LRCH1: variants seen among roughly 807,000 people sequenced by gnomAD.
LRCH1 encodes leucine rich repeats and calponin homology domain containing 1.
Under a neutral mutation model 94.9 loss-of-function variants are expected in LRCH1, and 23 were observed. The ratio of observed to expected loss-of-function variants is 0.24; its 90% confidence interval spans 0.17 to 0.34. The LOEUF is 0.34. Ranked by LOEUF, LRCH1 falls within the 10% of genes least tolerant of loss-of-function variation. The pLI is 1.00. For missense variants in LRCH1, 790 were observed against 945.9 expected, an observed-to-expected ratio of 0.84 and a Z score of 2.16; for synonymous variants, 364 against 354.9, an observed-to-expected ratio of 1.03 and a Z score of -0.29.
chr13:46,623,523 G>C (rs1396254656), intron 1 of LRCH1, among the ~76,000 whole-genome samples: 1 of 151,826 alleles, frequency 6.6e-6, no homozygotes, highest in Non-Finnish European at 1.5e-5. Flanking sequence ...ATCCTTGGAG[G>C]GTCGCTTTTT....
rs116666547 is a variant in LRCH1, at chr13:46,620,300, G to A, written c.308-29901G>A. ...GGATCACTCGAGCCGAGGAGCTGGA[G>A]GTAGCAGTCAGCTGAGATTGTGCCA... is the stretch of plus-strand genomic sequence containing the variant. On this transcript the variant is annotated intron_variant, in intron 1 of 19. Transcript: ENST00000389797. Among the ~76,000 whole-genome samples the A allele has an allele frequency of 5.9e-3, 894 of 152,082 alleles. 8 individuals carry two copies. Among genetic ancestry groups the A allele is most frequent in the African/African-American group, 0.021 (856 of 41,478 alleles).
rs10686269 is a variant in LRCH1, at chr13:46,582,370, C to CTTTTTTT, written c.307+28683_307+28689dup. On this transcript the variant is annotated intron_variant, in intron 1 of 19. Transcript: ENST00000389797. ...ATGGAAGAACAACCGTTGCTCTCAT[C>CTTTTTTT]TTTTTTTTTTTTTTTTTTTTTTGGT... is the stretch of plus-strand genomic sequence containing the variant. Among the ~76,000 whole-genome samples the CTTTTTTT allele has an allele frequency of 3.1e-4, 25 of 79,556 alleles. 1 individual carries two copies. The highest frequency in any genetic ancestry group is 7.1e-4 in the Admixed American group (4 of 5,654). 52.2% of individuals were successfully genotyped at this position (79,556 alleles called of 152,430 possible).
rs900675186 is a variant in LRCH1, at chr13:46,742,157, G to A, written c.*309G>A. On this transcript the variant is annotated 3_prime_UTR_variant, in exon 20 of 20. Coordinates refer to ENST00000389797, the MANE Select transcript of LRCH1 (RefSeq NM_001164211.2). Reference sequence around the variant, plus strand: ...CGCAGTTCCTCCTCTCCCTCCCGGTGAGCTGCTGCCCTGGGCAGAGGGGAG... The same window carrying A: ...CGCAGTTCCTCCTCTCCCTCCCGGTAAGCTGCTGCCCTGGGCAGAGGGGAG... The A allele has an allele frequency of 1.2e-4, 141 of 1,209,036 alleles. No homozygotes were observed. Among genetic ancestry groups the A allele is most frequent in the Non-Finnish European group, 1.4e-4 (134 of 965,002 alleles). The allele number at this position is 1,209,036 out of a possible 1,614,324, so 74.9% of individuals were successfully genotyped here.
rs1405152756 is a variant in LRCH1, at chr13:46,705,290, T to C, written c.1513T>C (p.Ser505Pro). The change falls in exon 13 of 20, where the codon TCT becomes CCT. Residue 505 changes from serine (S) to proline (P), a missense_variant. Ser to Pro is a moderately conservative substitution (Grantham distance 74). Transcript: ENST00000389797. ...ALNGQIQLET[S>P]PVCEVQSDLT... ...CAGTGGTCAAATACAGCTGGAGACA[T>C]CTCCGGTGTGTGAGGTAAGGCTGCT... 6.2e-7 allele frequency: 1 copy of C among 1,613,750 alleles called. No homozygotes were observed. The highest frequency in any genetic ancestry group is 1.1e-5 in the South Asian group (1 of 91,060).
At chr13:46,570,688 C>T (rs2050231858) in intron 1 of LRCH1, among the ~76,000 whole-genome samples, 1 of 152,224 alleles carries the variant, frequency 6.6e-6, no homozygotes, top group Non-Finnish European at 1.5e-5. Flanking sequence ...GCATATCACA[C>T]ATATTCCGGT....
intron 1 of LRCH1, among the ~76,000 whole-genome samples, chr13:46,568,855 A>G (rs1047300120): frequency 6.6e-6 from 1 of 152,204 alleles, no homozygotes; most frequent in African/African-American, 2.4e-5. Context: ...TATGTAAATC[A>G]TACCTTGATA....
chr13:46,723,183 G>T (rs779471907), intron 16 of LRCH1, 38 bp from the exon 17 acceptor site: 7 of 1,149,298 alleles, frequency 6.1e-6, no homozygotes, highest in Non-Finnish European at 9.1e-6. Flanking sequence ...ATGTGACAAG[G>T]CACTATATAA....
chr13:46,595,073 AT>A (rs2050544621), intron 1 of LRCH1, among the ~76,000 whole-genome samples: 1 of 152,134 alleles, frequency 6.6e-6, no homozygotes, highest in Admixed American at 6.5e-5. Context: ...CATGATGATC[AT>A]TCTGGGGTTT....
chr13:46,744,585 A>G lies in LRCH1; in HGVS notation c.*2737A>G, dbSNP rs1471130417. On this transcript the variant is annotated 3_prime_UTR_variant, in exon 20 of 20. Coordinates refer to ENST00000389797, the MANE Select transcript of LRCH1 (RefSeq NM_001164211.2). ...TAATCGAGTATAAATTTCATCAATG[A>G]GAGTAGATAAATAAAGGCACTTGAT... 1.0e-6 allele frequency: 1 copy of G among 985,326 alleles called. No homozygotes were observed. The highest frequency in any genetic ancestry group is 1.2e-6 in the Non-Finnish European group (1 of 829,940). 61.0% of individuals were successfully genotyped at this position (985,326 alleles called of 1,614,324 possible). A position where few individuals can be genotyped will look rare whatever the true frequency, so the allele number is the denominator to read the frequency against.
intron 15 of LRCH1, among the ~76,000 whole-genome samples, chr13:46,714,060 A>G (rs1872201153): frequency 6.6e-6 from 1 of 152,234 alleles, no homozygotes; most frequent in Admixed American, 6.5e-5. Context: ...TCAACTTATT[A>G]CAGTTAGGGT....
Position 46,744,317 on chromosome 13 carries a change from A to G in LRCH1, c.*2469A>G, listed in dbSNP as rs1477223877. 25 of 985,298 alleles carry G rather than the reference A, an allele frequency of 2.5e-5. No individual in the cohort carries two copies. The highest frequency in any genetic ancestry group is 2.9e-5 in the Non-Finnish European group (24 of 829,918). The allele number at this position is 985,298 out of a possible 1,614,324, so 61.0% of individuals were successfully genotyped here. A position where few individuals can be genotyped will look rare whatever the true frequency, so the allele number is the denominator to read the frequency against. On this transcript the variant is annotated 3_prime_UTR_variant, in exon 20 of 20. Transcript: ENST00000389797. ...ACCGTTTTTTCAGTACTCCCTTCCA[A>G]TGTTAGATAAAAGGAGCCAAGTATC... is the stretch of plus-strand genomic sequence containing the variant.
intron 1 of LRCH1, among the ~76,000 whole-genome samples, chr13:46,626,328 CG>C (rs1057044946): frequency 6.6e-6 from 1 of 152,112 alleles, no homozygotes; most frequent in Non-Finnish European, 1.5e-5. Context: ...GTGACTTAAA[CG>C]TATACATCCA....
chr13:46,667,007 C>A (rs911273229), intron 2 of LRCH1, among the ~76,000 whole-genome samples: 17 of 152,174 alleles, frequency 1.1e-4, no homozygotes, highest in Admixed American at 2.0e-4. Flanking sequence ...TTGGTCCAAT[C>A]CTGCTAACTA....
chr13:46,610,017 T>A (rs2138000552), intron 1 of LRCH1, among the ~76,000 whole-genome samples: 1 of 152,230 alleles, frequency 6.6e-6, no homozygotes, highest in East Asian at 1.9e-4. Flanking sequence ...TTTCTCCACT[T>A]TCTTTTTCTC....
intron 1 of LRCH1, among the ~76,000 whole-genome samples, chr13:46,625,424 G>C (rs1023522928): frequency 1.3e-5 from 2 of 152,170 alleles, no homozygotes; most frequent in Non-Finnish European, 2.9e-5. Context: ...TAGGTCGTGA[G>C]GGTGGAGCCC....
intron 1 of LRCH1, among the ~76,000 whole-genome samples, chr13:46,635,849 A>G (rs1204623807): frequency 1.3e-5 from 2 of 151,750 alleles, no homozygotes; most frequent in Non-Finnish European, 2.9e-5. Context: ...CCTGGCCACC[A>G]AGCTATTCCC....
rs551075593 is a variant in LRCH1 at position 46,715,683 on chromosome 13, A to G, written c.1759+19A>G. On this transcript the variant is annotated intron_variant, in intron 16 of 19. Transcript: ENST00000389797. Reference sequence around the variant, plus strand: ...GACAATGGTAGGTGGCTTTGTACCTATTCTCCAATGTTCTCATTAATAAGC... The same window carrying G: ...GACAATGGTAGGTGGCTTTGTACCTGTTCTCCAATGTTCTCATTAATAAGC... The G allele has an allele frequency of 6.6e-5, 95 of 1,433,400 alleles. 1 individual carries two copies. The South Asian group carries it at 7.4e-4, about 11-fold the overall frequency. 88.8% of individuals were successfully genotyped at this position (1,433,400 alleles called of 1,614,324 possible). A position where few individuals can be genotyped will look rare whatever the true frequency, so the allele number is the denominator to read the frequency against.
At chr13:46,694,304 C>T (rs977223003) in intron 8 of LRCH1, among the ~76,000 whole-genome samples, 1 of 152,170 alleles carries the variant, frequency 6.6e-6, no homozygotes, top group Non-Finnish European at 1.5e-5. Flanking sequence ...TTTGCTCCCC[C>T]ACCTCCCCTG....
At chr13:46,708,385 C>A (rs1003273497) in intron 13 of LRCH1, among the ~76,000 whole-genome samples, 42 of 150,890 alleles carry the variant, frequency 2.8e-4, no homozygotes, top group African/African-American at 9.3e-4. Flanking sequence ...AATTCTCCTG[C>A]CTCAGCTTCC....
Sources: allele counts gnomAD v4.1 joint callset (sites outside exome capture counted in the v4.1 genomes callset), GRCh38; gene constraint gnomAD v4.1.1; transcripts MANE v1.5; gene names NCBI Gene and HGNC (gene_info 2026-07-23, HGNC 2026-07-21).